The following CCL25 variants were observed in gnomAD, a reference collection of about 807,000 sequenced individuals.
CCL25 encodes C-C motif chemokine ligand 25, also known as C-C motif chemokine 25.
CCL25 carries 14 observed loss-of-function variants against 19.9 expected under a neutral mutation model. The ratio of observed to expected loss-of-function variants is 0.70; its 90% CI spans 0.47 to 1.10. The LOEUF (loss-of-function observed/expected upper bound fraction) is 1.10. Among genes scored for constraint, CCL25 ranks in the 50% least tolerant of loss-of-function variants. CCL25 has a pLI of 0.00. For synonymous variants in CCL25, 68 were observed against 73.2 expected (o/e 0.93, Z 0.36); for missense variants, 151 against 181.2 (o/e 0.83, Z 0.96).
intron 5 of CCL25, among the ~76,000 whole-genome samples, chr19:8,058,880 G>C (rs113630455): frequency 0.019 from 2,622 of 139,470 alleles, 89 homozygotes; most frequent in African/African-American, 0.066. Flanking sequence ...GGATGGTCTC[G>C]ATCTCCTGAC....
At chr19:8,054,302 T>C (rs780695892) in intron 2 of CCL25, among the ~76,000 whole-genome samples, 17 of 152,360 alleles carry the variant, frequency 1.1e-4, no homozygotes, top group South Asian at 6.2e-4. Flanking sequence ...TCTGATTGTT[T>C]TGCTATCAGA....
At chr19:8,053,182 C>G (rs2081245321) in intron 2 of CCL25, 60 bp downstream of exon 2, 2 of 1,085,956 alleles carry the variant, frequency 1.8e-6, no homozygotes, top group Admixed American at 4.9e-5. Context: ...CCACCCCACC[C>G]CTTTTGTCTC....
At chr19:8,053,180 C>T in intron 2 of CCL25, 58 bp downstream of exon 2, 1 of 1,105,778 alleles carries the variant, frequency 9.0e-7, no homozygotes, top group Non-Finnish European at 1.3e-6. Flanking sequence ...CCCCACCCCA[C>T]CCCTTTTGTC....
At chr19:8,054,229 C>T (rs1227842180) in intron 2 of CCL25, among the ~76,000 whole-genome samples, 1 of 152,224 alleles carries the variant, frequency 6.6e-6, no homozygotes, top group African/African-American at 2.4e-5. Context: ...CCCACCTGCC[C>T]CTCGGCTGGG....
intron 5 of CCL25, among the ~76,000 whole-genome samples, chr19:8,058,473 AT>A (rs2081290170): frequency 8.9e-6 from 1 of 112,960 alleles, no homozygotes; most frequent in Non-Finnish European, 1.7e-5. Context: ...AAGTAAATAT[AT>A]AATATATAAA....
At position 8,053,028 on chromosome 19, in the gene CCL25, GGGA is replaced by G. The variant is rs1266858681; in HGVS notation, c.-15_-13del. The G allele has an allele frequency of 6.5e-7, 1 of 1,542,074 alleles. No individual in the cohort carries two copies. The highest frequency in any genetic ancestry group is 2.0e-5 in the Admixed American group (1 of 50,236). ...GCCCCGTTATTCGTCCAGGTGCCCA[GGGA>G]GGAGGACCCGCCTGCAGCATGAACC... On this transcript the variant is annotated 5_prime_UTR_variant, in exon 2 of 6. Coordinates refer to ENST00000315626, the MANE Select transcript of CCL25 (RefSeq NM_005624.4).
chr19:8,058,076 C>T (rs1041533362), intron 5 of CCL25, among the ~76,000 whole-genome samples, 156 bp downstream of exon 5: 2 of 151,734 alleles, frequency 1.3e-5, no homozygotes, highest in Non-Finnish European at 1.5e-5. Flanking sequence ...GGAGGGTCCT[C>T]GGTGGCTGTC....
chr19:8,062,423 T>C lies in CCL25; in HGVS notation c.*198T>C. The C allele has an allele frequency of 1.7e-6, 1 of 595,454 alleles. No individual in the cohort carries two copies. The highest frequency in any genetic ancestry group is 3.0e-6 in the Non-Finnish European group (1 of 335,546). 36.9% of individuals were successfully genotyped at this position (595,454 alleles called of 1,614,324 possible). A position where few individuals can be genotyped will look rare whatever the true frequency, so the allele number is the denominator to read the frequency against. On this transcript the variant is annotated 3_prime_UTR_variant, in exon 6 of 6. Transcript: ENST00000315626. ...AACTGGAAAGAGGGAGTTGGCCTGATTTTAAGCCTTTTGCCGCTCCGGGGA... is the reference window on the plus strand; with the variant it reads ...AACTGGAAAGAGGGAGTTGGCCTGACTTTAAGCCTTTTGCCGCTCCGGGGA...
rs750533735 is a variant in CCL25, at chr19:8,062,528, C to T, written c.*303C>T. ...CTCTCACTTTCTGTTTCTTGCCGTC[C>T]ACCCCGGGCCATGCCAGTGTGTCCC... On this transcript the variant is annotated 3_prime_UTR_variant, in exon 6 of 6. Transcript: ENST00000315626. 4.6e-6 allele frequency: 2 copies of T among 433,332 alleles called. No homozygotes were observed. The highest frequency in any genetic ancestry group is 1.3e-3 in the Middle Eastern group (2 of 1,556). The allele number at this position is 433,332 out of a possible 1,614,324, so 26.8% of individuals were successfully genotyped here. A position where few individuals can be genotyped will look rare whatever the true frequency, so the allele number is the denominator to read the frequency against.
intron 3 of CCL25, 48 bp downstream of exon 3, chr19:8,056,317 T>C (rs1446211251): frequency 1.2e-5 from 20 of 1,607,668 alleles, no homozygotes; most frequent in Non-Finnish European, 1.5e-5. Context: ...CACACAGCCT[T>C]GCTGCCAGCC....
At chr19:8,058,344 A>G (rs993109867) in intron 5 of CCL25, among the ~76,000 whole-genome samples, 4 of 86,600 alleles carry the variant, frequency 4.6e-5, no homozygotes, top group African/African-American at 1.4e-4. Flanking sequence ...AAATATATAT[A>G]ATATATATAA....
Position 8,062,312 on chromosome 19 carries a change from A to G in CCL25, c.*87A>G. ...TCGCCCTACAGACCCAGCTGTCCCCACGCCTCTGTCTTTTGGGTCAAGTCT... is the reference window on the plus strand; with the variant it reads ...TCGCCCTACAGACCCAGCTGTCCCCGCGCCTCTGTCTTTTGGGTCAAGTCT... On this transcript the variant is annotated 3_prime_UTR_variant, in exon 6 of 6. Coordinates refer to ENST00000315626, the MANE Select transcript of CCL25 (RefSeq NM_005624.4). 1 of 1,457,090 alleles carries G rather than the reference A, an allele frequency of 6.9e-7. No homozygotes were observed. The highest frequency in any genetic ancestry group is 9.6e-7 in the Non-Finnish European group (1 of 1,039,284). 90.3% of individuals were successfully genotyped at this position (1,457,090 alleles called of 1,614,324 possible).
chr19:8,057,699 C>T (rs1294019906), intron 4 of CCL25, 102 bp from the exon 5 acceptor site: 5 of 1,450,422 alleles, frequency 3.4e-6, no homozygotes, highest in African/African-American at 1.4e-5. Context: ...ATGGGAGACT[C>T]ATTGGCTTAA....
At chr19:8,052,679 G>A, upstream of CCL25, 1 of 214,084 alleles carries the variant, frequency 4.7e-6, no homozygotes, top group East Asian at 9.6e-5. Context: ...AGGTGGAGAG[G>A]AGGAGGAAGG....
rs1361741987 is a variant in CCL25 at position 8,056,503 on chromosome 19, G to T, written c.325+4G>T. 1 of 1,614,028 alleles carries T rather than the reference G, an allele frequency of 6.2e-7. No homozygotes were observed. Among genetic ancestry groups the T allele is most frequent in the Admixed American group, 1.7e-5 (1 of 60,016 alleles). On this transcript the variant is annotated splice_donor_region_variant and intron_variant, in intron 4 of 5. Coordinates refer to ENST00000315626, the MANE Select transcript of CCL25 (RefSeq NM_005624.4). ...CACAACACGCAGACCTTCCAAGGTG[G>T]GCAAGACCTCTGCTGGGCATCTAGG...
chr19:8,059,624 T>C (rs546673033), intron 5 of CCL25, among the ~76,000 whole-genome samples: 1 of 152,288 alleles, frequency 6.6e-6, no homozygotes, highest in East Asian at 1.9e-4. Context: ...TGATTGTCTG[T>C]AAGTCAGGGC....
intron 2 of CCL25, among the ~76,000 whole-genome samples, chr19:8,055,497 G>A (rs1283530993): frequency 7.9e-5 from 12 of 151,188 alleles, no homozygotes; most frequent in Middle Eastern, 3.4e-3. Context: ...CACCACACCC[G>A]GCTAATTTTT....
chr19:8,053,720 G>A (rs1453666364), intron 2 of CCL25, among the ~76,000 whole-genome samples: 1 of 151,658 alleles, frequency 6.6e-6, no homozygotes, highest in African/African-American at 2.4e-5. Context: ...GCTAATTTTT[G>A]TATTTTTTAG....
intron 4 of CCL25, among the ~76,000 whole-genome samples, chr19:8,057,558 C>G (rs1568334702): frequency 6.6e-6 from 1 of 152,258 alleles, no homozygotes; most frequent in South Asian, 2.1e-4. Context: ...ACTTGAACCC[C>G]TGGACTCAAG....
Sources: allele counts gnomAD v4.1 joint callset (sites outside exome capture counted in the v4.1 genomes callset), GRCh38; gene constraint gnomAD v4.1.1; transcripts MANE v1.5; gene names NCBI Gene and HGNC (gene_info 2026-07-23, HGNC 2026-07-21).